METTL22: variants seen among roughly 807,000 people sequenced by gnomAD.
METTL22 encodes the protein methyltransferase-like protein 22.
In METTL22, 51 loss-of-function variants were observed where a neutral mutation model predicts 48.4. That is an observed-to-expected ratio of 1.05 (90% confidence interval 0.84 to 1.33). METTL22 has a LOEUF of 1.33. Ranked by LOEUF, METTL22 falls within the 40% of genes most tolerant of loss-of-function variation. The pLI, the probability that METTL22 is intolerant of heterozygous loss-of-function variation, is 0.00. For synonymous variants in METTL22, 255 were observed against 214.1 expected (o/e 1.19, Z -1.67); for missense variants, 678 against 526.9 (o/e 1.29, Z -2.81).
chr16:8,646,010 G>T, intron 10 of METTL22, 98 bp from the exon 11 acceptor site: 5 of 1,569,380 alleles, frequency 3.2e-6, no homozygotes, highest in Non-Finnish European at 4.3e-6. Context: ...CTGACGTGTT[G>T]TCTAACTACT....
At chr16:8,626,446 C>CTT (rs3057578) in intron 2 of METTL22, among the ~76,000 whole-genome samples, 35 of 129,486 alleles carry the variant, frequency 2.7e-4, no homozygotes, top group African/African-American at 3.9e-4. Flanking sequence ...GTCCTCTGCT[C>CTT]TTTTTTTTTT....
intron 3 of METTL22, among the ~76,000 whole-genome samples, chr16:8,634,814 A>G (rs1641039): frequency 0.99 from 150,369 of 152,266 alleles, 74,281 homozygotes; most frequent in Middle Eastern, 1. Flanking sequence ...GTTACATGAA[A>G]GAGTGTGAGC....
the METTL22 span, among the ~76,000 whole-genome samples, chr16:8,662,437 A>G: frequency 2.1e-5 from 3 of 144,598 alleles, 1 homozygote; most frequent in African/African-American, 7.8e-5. Context: ...TTGACATGCC[A>G]GGGCTGGGAC....
At chr16:8,663,065 G>A in the METTL22 span, among the ~76,000 whole-genome samples, 9 of 151,464 alleles carry the variant, frequency 5.9e-5, no homozygotes, top group South Asian at 4.2e-4. Context: ...AAAATTAGCC[G>A]GGCATGATGG....
At chr16:8,651,114 G>A (rs9930239), downstream of METTL22, among the ~76,000 whole-genome samples, 150,175 of 152,066 alleles carry the variant, frequency 0.99, 74,186 homozygotes, top group Middle Eastern at 1. Context: ...TGGGCCAGGC[G>A]CAGTGGCTCA....
chr16:8,656,042 G>A, the METTL22 span, among the ~76,000 whole-genome samples: 5 of 152,318 alleles, frequency 3.3e-5, no homozygotes, highest in African/African-American at 9.6e-5. Context: ...AAAGTATGGC[G>A]AGTTAGGATA....
intron 10 of METTL22, 161 bp downstream of exon 10, chr16:8,644,886 T>TG: frequency 1.4e-6 from 1 of 715,798 alleles, no homozygotes; most frequent in Non-Finnish European, 2.1e-6. Context: ...TGGAACCTGT[T>TG]GGGGGAGCTA....
Position 8,637,178 on chromosome 16 carries a change from T to G in METTL22, c.700+1866T>G, listed in dbSNP as rs573351111. On this transcript the variant is annotated intron_variant, in intron 5 of 10. Coordinates refer to ENST00000381920, the MANE Select transcript of METTL22 (RefSeq NM_024109.4). ...ACACCTCATTGCTTCCTAGTGAACGTTACCTGGCACAGACTTTTGTTTCTG... is the reference window on the plus strand; with the variant it reads ...ACACCTCATTGCTTCCTAGTGAACGGTACCTGGCACAGACTTTTGTTTCTG... 2.0e-4 allele frequency among the ~76,000 whole-genome samples: 31 copies of G among 152,316 alleles called. 1 individual carries two copies. In the South Asian group the frequency reaches 6.2e-3, roughly 31 times the overall value.
the METTL22 span, among the ~76,000 whole-genome samples, chr16:8,657,824 C>CTTTTTTTTTTTTTTTTTTT: frequency 1.2e-4 from 16 of 137,430 alleles, no homozygotes; most frequent in African/African-American, 3.8e-4. Flanking sequence ...TCTTTTCTTT[C>CTTTTTTTTTTTTTTTTTTT]TTTTTTTTTT....
At chr16:8,651,016 G>A (rs531410667), downstream of METTL22, among the ~76,000 whole-genome samples, 4 of 151,944 alleles carry the variant, frequency 2.6e-5, no homozygotes, top group Admixed American at 6.6e-5. Flanking sequence ...GCGAGACTCC[G>A]TCTCAAAAAA....
chr16:8,644,248 GGA>G (rs1396926090), intron 9 of METTL22, among the ~76,000 whole-genome samples: 2 of 152,208 alleles, frequency 1.3e-5, no homozygotes, highest in African/African-American at 4.8e-5. Flanking sequence ...GGCAGGACCT[GGA>G]GGGCGTCCTC....
rs569639514 is a variant in METTL22, at chr16:8,625,914, C to T, written c.133+116C>T. 9 of 1,327,718 alleles carry T rather than the reference C, an allele frequency of 6.8e-6. No individual in the cohort carries two copies. In the South Asian group the frequency reaches 1.3e-4, roughly 19 times the overall value. The allele number at this position is 1,327,718 out of a possible 1,614,324, so 82.2% of individuals were successfully genotyped here. A position where few individuals can be genotyped will look rare whatever the true frequency, so the allele number is the denominator to read the frequency against. On this transcript the variant is annotated intron_variant, in intron 2 of 10. Transcript: ENST00000381920. Reference sequence around the variant, plus strand: ...GATTACGTAACTGTTATCCTCAGACCACTTTTTAAGTGCCCTTTTTTTCTT... The same window carrying T: ...GATTACGTAACTGTTATCCTCAGACTACTTTTTAAGTGCCCTTTTTTTCTT...
In METTL22 at chr16:8,636,028, T is replaced by G. The variant is rs538472996; in HGVS notation, c.700+716T>G. 5.3e-5 allele frequency among the ~76,000 whole-genome samples: 8 copies of G among 152,310 alleles called. No individual in the cohort carries two copies. The South Asian group carries it at 1.7e-3, about 32-fold the overall frequency. ...TTTCTGATGTGCAGCTATATTGCAG[T>G]GATGACATCCGTCTGGGCTTTTAGT... On this transcript the variant is annotated intron_variant, in intron 5 of 10. Coordinates refer to ENST00000381920, the MANE Select transcript of METTL22 (RefSeq NM_024109.4).
chr16:8,665,026 G>T, the METTL22 span, among the ~76,000 whole-genome samples: 92 of 152,264 alleles, frequency 6.0e-4, no homozygotes, highest in Middle Eastern at 3.4e-3. Flanking sequence ...GAGCGAGAAA[G>T]CTGGGTGGGA....
At chr16:8,665,373 A>G in the METTL22 span, among the ~76,000 whole-genome samples, 1 of 152,060 alleles carries the variant, frequency 6.6e-6, no homozygotes, top group Non-Finnish European at 1.5e-5. Context: ...TCTGACCTTG[A>G]ACCCTGGTGA....
chr16:8,654,690 G>A, the METTL22 span, among the ~76,000 whole-genome samples: 1 of 152,168 alleles, frequency 6.6e-6, no homozygotes, highest in Admixed American at 6.6e-5. Flanking sequence ...AAAGTTCAGA[G>A]GGCAAATCAT....
chr16:8,644,598 C>G lies in METTL22; in HGVS notation c.1052C>G (p.Ala351Gly), dbSNP rs370005826. 2.8e-5 allele frequency: 45 copies of G among 1,599,550 alleles called. No homozygotes were observed. The Admixed American group carries it at 5.9e-4, about 21-fold the overall frequency. Reference sequence around the variant, plus strand: ...AGACACTTGGACGTCACATGTGAAGCCTACGATCACTTCCGCTCCTGCCTG... The same window carrying G: ...AGACACTTGGACGTCACATGTGAAGGCTACGATCACTTCCGCTCCTGCCTG... ...TLRHLDVTCE[A>G]YDHFRSCLHA... Residue 351 changes from alanine to glycine, a missense_variant, in exon 10 of 11, where the codon GCC becomes GGC. By Grantham distance (60) the Ala-to-Gly change is moderately conservative (BLOSUM62 0). Coordinates refer to ENST00000381920, the MANE Select transcript of METTL22 (RefSeq NM_024109.4).
In METTL22 at chr16:8,644,487, G is replaced by A. The variant is rs550851805; in HGVS notation, c.1011-70G>A. The A allele has an allele frequency of 1.5e-4, 212 of 1,457,212 alleles. 1 individual carries two copies. In the South Asian group the frequency reaches 2.6e-3, roughly 18 times the overall value. The allele number at this position is 1,457,212 out of a possible 1,614,324, so 90.3% of individuals were successfully genotyped here. On this transcript the variant is annotated intron_variant, in intron 9 of 10. Coordinates refer to ENST00000381920, the MANE Select transcript of METTL22 (RefSeq NM_024109.4). ...AGATCAGTGAGGGATAGGAAAGCAA[G>A]GTGGGCAGAAACAGCAAAACCCTTC...
intron 2 of METTL22, among the ~76,000 whole-genome samples, chr16:8,627,633 G>A (rs1202790410): frequency 5.9e-5 from 9 of 152,148 alleles, no homozygotes; most frequent in Non-Finnish European, 1.0e-4. Context: ...TTTATAAAGA[G>A]TTTTATGAAG....
Sources: allele counts gnomAD v4.1 joint callset (sites outside exome capture counted in the v4.1 genomes callset), GRCh38; gene constraint gnomAD v4.1.1; transcripts MANE v1.5; gene names NCBI Gene and HGNC (gene_info 2026-07-23, HGNC 2026-07-21).